The following CCDC7 variants were observed in gnomAD, a reference collection of about 807,000 sequenced individuals.
CCDC7 encodes the protein coiled-coil domain containing 7, also known as coiled-coil domain-containing protein 7.
A neutral mutation model predicts 196.9 loss-of-function variants in CCDC7; 183 were observed. The observed-to-expected ratio is 0.93, with a 90% CI of 0.82 to 1.05. CCDC7 has a LOEUF of 1.05. CCDC7 is among the 50% of genes least tolerant of loss of function. The pLI is 0.00. For missense variants in CCDC7, 1,540 were observed against 1,482.2 expected, an observed-to-expected ratio of 1.04 and a Z score of -0.64; for synonymous variants, 525 against 484.6, an observed-to-expected ratio of 1.08 and a Z score of -1.10.
intron 18 of CCDC7, among the ~76,000 whole-genome samples, chr10:32,630,753 C>A (rs1003878030): frequency 2.6e-5 from 4 of 152,116 alleles, no homozygotes; most frequent in African/African-American, 9.7e-5. Flanking sequence ...GTATAATATT[C>A]ATTACTGGGT....
rs140788442 is a variant in CCDC7, at chr10:32,583,671, T to G, written c.1728+364T>G. ...GATGATTGTAAAAGCAAACTAATTTTGAAACAATTTTATATAGGTCTCTAA... is the reference window on the plus strand; with the variant it reads ...GATGATTGTAAAAGCAAACTAATTTGGAAACAATTTTATATAGGTCTCTAA... On this transcript the variant is annotated intron_variant, in intron 17 of 41. Transcript: ENST00000639629. Among the ~76,000 whole-genome samples, 239 of 152,206 alleles carry G rather than the reference T, an allele frequency of 1.6e-3. 2 individuals carry two copies. Among genetic ancestry groups the G allele is most frequent in the African/African-American group, 4.2e-3 (175 of 41,558 alleles).
At chr10:32,781,460 A>G (rs929537695) in intron 29 of CCDC7, among the ~76,000 whole-genome samples, 1 of 152,216 alleles carries the variant, frequency 6.6e-6, no homozygotes, top group Non-Finnish European at 1.5e-5. Flanking sequence ...TCATGAATTT[A>G]TGAGTTTTAT....
At chr10:32,703,154 G>C (rs564350466) in intron 24 of CCDC7, among the ~76,000 whole-genome samples, 1 of 151,702 alleles carries the variant, frequency 6.6e-6, no homozygotes, top group Non-Finnish European at 1.5e-5. Flanking sequence ...GGCTGGTACT[G>C]GTTGTTCCTT....
intron 28 of CCDC7, among the ~76,000 whole-genome samples, chr10:32,741,813 G>A (rs568365167): frequency 2.0e-5 from 3 of 152,086 alleles, no homozygotes; most frequent in Non-Finnish European, 4.4e-5. Flanking sequence ...ATTACTCTGT[G>A]TGATTTTGTC....
At chr10:32,767,084 AAC>A (rs1029029736) in intron 28 of CCDC7, among the ~76,000 whole-genome samples, 1 of 152,104 alleles carries the variant, frequency 6.6e-6, no homozygotes, top group African/African-American at 2.4e-5. Context: ...CTAATAGAGT[AAC>A]AACTCACTCA....
At position 32,667,772 on chromosome 10, in the gene CCDC7, C is replaced by G. The variant is rs201245473; in HGVS notation, c.2122+3611C>G. Among the ~76,000 whole-genome samples the G allele has an allele frequency of 4.6e-5, 7 of 152,226 alleles. No homozygotes were observed. The East Asian group carries it at 1.2e-3, about 25-fold the overall frequency. On this transcript the variant is annotated intron_variant, in intron 21 of 41. Transcript: ENST00000639629. ...CACCATGCTCTTTTGGTTACTGCAG[C>G]CTTGTAGTATAGTTTGAAGTCAGGT...
chr10:32,481,208 A>G (rs1489809031), intron 8 of CCDC7, among the ~76,000 whole-genome samples: 1 of 152,106 alleles, frequency 6.6e-6, no homozygotes, highest in Non-Finnish European at 1.5e-5. Flanking sequence ...ATCCCTTCAC[A>G]TTTATTCTGT....
At chr10:32,641,404 A>T (rs375654191) in intron 20 of CCDC7, among the ~76,000 whole-genome samples, 17 of 151,986 alleles carry the variant, frequency 1.1e-4, no homozygotes, top group African/African-American at 3.9e-4. Flanking sequence ...CATTCATTTG[A>T]TATTCCATCA....
At chr10:32,490,801 A>C (rs2042028941) in intron 8 of CCDC7, among the ~76,000 whole-genome samples, 1 of 152,176 alleles carries the variant, frequency 6.6e-6, no homozygotes, top group African/African-American at 2.4e-5. Flanking sequence ...CCGCCTCAAA[A>C]AAAAAAAAGT....
chr10:32,794,129 C>G (rs2083163310), intron 29 of CCDC7, among the ~76,000 whole-genome samples: 1 of 152,190 alleles, frequency 6.6e-6, no homozygotes, highest in Non-Finnish European at 1.5e-5. Context: ...TCCTCCACAT[C>G]AGGCAGTCCC....
rs1554812923 is a variant in CCDC7, at chr10:32,511,263, G to GGGGGT, written c.873-6678_873-6677insTGGGG. The GGGGGT allele has an allele frequency of 1.2e-5, 7 of 591,180 alleles. 1 individual carries two copies. Among genetic ancestry groups the GGGGGT allele is most frequent in the African/African-American group, 2.2e-5 (1 of 45,920 alleles). The allele number at this position is 591,180 out of a possible 1,614,324, so 36.6% of individuals were successfully genotyped here. ...CCACAGAATTATTCTGTGGGGGGCG[G>GGGGGT]GGGGGGCGGGGAAATGTACTTTTTG... On this transcript the variant is annotated intron_variant, in intron 9 of 41. Transcript: ENST00000639629.
At chr10:32,648,774 AT>A (rs1001513302) in intron 20 of CCDC7, among the ~76,000 whole-genome samples, 1 of 151,968 alleles carries the variant, frequency 6.6e-6, no homozygotes, top group South Asian at 2.1e-4. Flanking sequence ...GAGATACTGA[AT>A]TTTTTTTCAT....
chr10:32,737,656 T>G (rs1481199763), intron 28 of CCDC7, among the ~76,000 whole-genome samples: 1 of 152,222 alleles, frequency 6.6e-6, no homozygotes, highest in Non-Finnish European at 1.5e-5. Context: ...TTTGTCTGTT[T>G]TCTTTGCAGT....
intron 18 of CCDC7, among the ~76,000 whole-genome samples, chr10:32,596,534 T>G (rs1344840577): frequency 6.6e-6 from 1 of 152,168 alleles, no homozygotes; most frequent in Non-Finnish European, 1.5e-5. Flanking sequence ...CATTTACATT[T>G]AAGGTTAATA....
rs542435169 is a variant in CCDC7, at chr10:32,733,710, G to A, written c.2905+4253G>A. Among the ~76,000 whole-genome samples, 5 of 152,118 alleles carry A rather than the reference G, an allele frequency of 3.3e-5. No individual in the cohort carries two copies. In the South Asian group the frequency reaches 6.2e-4, roughly 19 times the overall value. Reference sequence around the variant, plus strand: ...GATAAGTATGTTAATTTCTCCCACTGTGATTATGGATTTCTCTATGCCTTA... The same window carrying A: ...GATAAGTATGTTAATTTCTCCCACTATGATTATGGATTTCTCTATGCCTTA... On this transcript the variant is annotated intron_variant, in intron 28 of 41. Transcript: ENST00000639629.
At chr10:32,452,249 G>A (rs571559921) in intron 1 of CCDC7, among the ~76,000 whole-genome samples, 25 of 152,250 alleles carry the variant, frequency 1.6e-4, no homozygotes, top group Admixed American at 1.4e-3. Flanking sequence ...TAGCATGTAC[G>A]AAAATTTCAG....
chr10:32,466,982 G>T (rs975628725), intron 5 of CCDC7, among the ~76,000 whole-genome samples: 1 of 152,208 alleles, frequency 6.6e-6, no homozygotes, highest in Non-Finnish European at 1.5e-5. Context: ...CTGGTATGAG[G>T]TGGTATCTCA....
exon 28 of CCDC7, chr10:32,729,425 A>G (rs1236414394): frequency 5.1e-6 from 7 of 1,359,382 alleles, no homozygotes; most frequent in Non-Finnish European, 7.2e-6. Flanking sequence ...TCTCAAACGA[A>G]GAAACTTCAA....
At chr10:32,534,086 C>A (rs1409572111) in intron 11 of CCDC7, among the ~76,000 whole-genome samples, 2 of 151,662 alleles carry the variant, frequency 1.3e-5, no homozygotes, top group Non-Finnish European at 2.9e-5. Context: ...AATTTTTATT[C>A]CTTTTCATTC....
Sources: allele counts gnomAD v4.1 joint callset (sites outside exome capture counted in the v4.1 genomes callset), GRCh38; gene constraint gnomAD v4.1.1; transcripts MANE v1.5; gene names NCBI Gene and HGNC (gene_info 2026-07-23, HGNC 2026-07-21).